MYH9: variants seen among roughly 807,000 people sequenced by gnomAD.
MYH9 encodes the protein myosin heavy chain 9.
Under a neutral mutation model 241.9 loss-of-function variants are expected in MYH9, and 29 were observed. The ratio of observed to expected loss-of-function variants is 0.12; its 90% CI spans 0.09 to 0.16. The LOEUF (loss-of-function observed/expected upper bound fraction) is 0.16, where lower values mean the gene tolerates loss of function less well. Ranked by LOEUF, MYH9 falls within the 10% of genes least tolerant of loss-of-function variation. MYH9 has a pLI of 1.00. For synonymous variants in MYH9, 1,047 were observed against 1,062.6 expected (o/e 0.99, Z 0.29); for missense variants, 1,803 against 2,595.5 (o/e 0.69, Z 6.63).
Position 36,295,062 on chromosome 22 carries a change from T to C in MYH9, c.3500A>G (p.Gln1167Arg). The part of the protein sequence containing the change: ...AQQELRSKRE[Q>R]EVNILKKTLE... ...GGTCTTCTTCAGGATGTTCACCTCC[T>C]GCTCACGTTTTGACCTGGACAGAGA... The change falls in exon 27 of 41, where the codon CAG becomes CGG. Residue 1167 changes from glutamine to arginine, a missense_variant. Physicochemically the swap from Gln to Arg is conservative, Grantham distance 43. This residue lies in a region of MYH9 where 876 missense variants were observed against 1,077.8 expected (regional missense o/e 0.81). Transcript: ENST00000216181. The surrounding 1 kb of genome is among the most constrained non-coding windows in gnomAD (Gnocchi z 4.1). 6.2e-7 allele frequency: 1 copy of C among 1,614,228 alleles called. No homozygotes were observed. Among genetic ancestry groups the C allele is most frequent in the Non-Finnish European group, 8.5e-7 (1 of 1,180,042 alleles).
intron 1 of MYH9, among the ~76,000 whole-genome samples, chr22:36,352,924 C>T (rs770345208): frequency 9.9e-5 from 15 of 152,198 alleles, no homozygotes; most frequent in Non-Finnish European, 2.1e-4. Flanking sequence ...TGAGCAGCGG[C>T]GCCAAGATCA....
chr22:36,381,991 G>T (rs562828132), intron 1 of MYH9, among the ~76,000 whole-genome samples: 1 of 152,226 alleles, frequency 6.6e-6, no homozygotes, highest in South Asian at 2.1e-4. Context: ...TGTTGTTGTT[G>T]TTGTTGTTTA....
At chr22:36,386,319 C>T (rs752691417) in intron 1 of MYH9, among the ~76,000 whole-genome samples, 1 of 151,872 alleles carries the variant, frequency 6.6e-6, no homozygotes. Context: ...AATATTTGCT[C>T]AATTACACAT....
chr22:36,365,659 C>G (rs1412843490), intron 1 of MYH9, among the ~76,000 whole-genome samples: 1 of 152,080 alleles, frequency 6.6e-6, no homozygotes, highest in Non-Finnish European at 1.5e-5. Context: ...CGGAGTTTCA[C>G]CATGTTGACC....
chr22:36,347,775 C>A (rs1169157757), intron 2 of MYH9, among the ~76,000 whole-genome samples: 7 of 141,426 alleles, frequency 4.9e-5, no homozygotes, highest in Non-Finnish European at 7.5e-5. Context: ...CGAGACCAGA[C>A]TGGCCAATTA....
chr22:36,291,866 C>G, intron 31 of MYH9, 120 bp downstream of exon 31: 1 of 1,478,626 alleles, frequency 6.8e-7, no homozygotes, highest in Non-Finnish European at 9.2e-7. Flanking sequence ...GCACTGGCCC[C>G]GCACGGCCCC....
chr22:36,294,321 C>T (rs372349621), intron 27 of MYH9, 23 bp from the exon 28 acceptor site: 52 of 1,610,996 alleles, frequency 3.2e-5, no homozygotes, highest in Admixed American at 1.3e-4. Context: ...AAAGCAAAGA[C>T]GTGAGTGGGG....
In MYH9 at chr22:36,319,058, G is replaced by A. The variant is rs147587586; in HGVS notation, c.1108+482C>T. Reference sequence around the variant, plus strand: ...ATTACAGATGTGAGCCACCACGCCCGGTCAGGAGTGTCTTTTACAATCCAC... The same window carrying A: ...ATTACAGATGTGAGCCACCACGCCCAGTCAGGAGTGTCTTTTACAATCCAC... On this transcript the variant is annotated intron_variant, in intron 10 of 40. Coordinates refer to ENST00000216181, the MANE Select transcript of MYH9 (RefSeq NM_002473.6). 4.5e-4 allele frequency among the ~76,000 whole-genome samples: 69 copies of A among 152,248 alleles called. No individual in the cohort carries two copies. The East Asian group carries it at 9.6e-3, about 21-fold the overall frequency.
rs542087951 is a variant in MYH9, at chr22:36,359,901, T to G, written c.-19-10646A>C. 2.7e-3 allele frequency among the ~76,000 whole-genome samples: 409 copies of G among 152,330 alleles called. 2 individuals are homozygous for G. The highest frequency in any genetic ancestry group is 4.7e-3 in the Non-Finnish European group (320 of 68,024). ...CAAACCCTAAGATAAATGCTTGTAA[T>G]GTACCACAATGGAGTTTATGGCTTT... On this transcript the variant is annotated intron_variant, in intron 1 of 40. Coordinates refer to ENST00000216181, the MANE Select transcript of MYH9 (RefSeq NM_002473.6).
intron 35 of MYH9, among the ~76,000 whole-genome samples, chr22:36,286,478 G>A (rs796069733): frequency 3.9e-5 from 6 of 152,330 alleles, no homozygotes; most frequent in African/African-American, 1.2e-4. Context: ...GGTGGTGGTG[G>A]CCACAAAGCC....
chr22:36,281,882 C>G lies in MYH9; in HGVS notation c.*786G>C, dbSNP rs1279593812. On this transcript the variant is annotated 3_prime_UTR_variant, in exon 41 of 41. Coordinates refer to ENST00000216181, the MANE Select transcript of MYH9 (RefSeq NM_002473.6). ...TTAACCATTAAATATATTTGGTCCC[C>G]AAGAGTGTTGGGAGAAGCCACTGGA... 4 of 231,046 alleles carry G rather than the reference C, an allele frequency of 1.7e-5. No individual in the cohort carries two copies. Among genetic ancestry groups the G allele is most frequent in the Non-Finnish European group, 3.4e-5 (4 of 116,534 alleles). 14.3% of individuals were successfully genotyped at this position (231,046 alleles called of 1,614,324 possible).
intron 21 of MYH9, among the ~76,000 whole-genome samples, chr22:36,301,325 G>A (rs953273001): frequency 9.2e-5 from 14 of 152,172 alleles, no homozygotes; most frequent in African/African-American, 2.4e-4. Flanking sequence ...ACTTGTGAAC[G>A]TTCCACTCTA....
chr22:36,306,661 G>A lies in MYH9; in HGVS notation c.1844-54C>T, dbSNP rs1253435570. Reference sequence around the variant, plus strand: ...GCCCACACAGTTGCAGCTGGGTGGTGGGGGAGCACGTAGGAGAGAGAGACA... The same window carrying A: ...GCCCACACAGTTGCAGCTGGGTGGTAGGGGAGCACGTAGGAGAGAGAGACA... On this transcript the variant is annotated intron_variant, in intron 15 of 40. Transcript: ENST00000216181. The surrounding 1 kb of genome is among the most constrained non-coding windows in gnomAD (Gnocchi z 4.1). 2.6e-6 allele frequency: 4 copies of A among 1,542,226 alleles called. No individual in the cohort carries two copies. The highest frequency in any genetic ancestry group is 3.5e-6 in the Non-Finnish European group (4 of 1,130,846).
intron 3 of MYH9, among the ~76,000 whole-genome samples, chr22:36,340,174 T>C (rs1001944271): frequency 1.5e-4 from 22 of 151,276 alleles, no homozygotes; most frequent in African/African-American, 5.1e-4. Context: ...ATTAGGCTAG[T>C]GCAAAAGTAA....
rs1225583390 is a variant in MYH9, at chr22:36,320,605, G to C, written c.868+193C>G. On this transcript the variant is annotated intron_variant, in intron 8 of 40. Transcript: ENST00000216181. The surrounding 1 kb of genome is among the most constrained non-coding windows in gnomAD (Gnocchi z 4.8). ...GCAGCTACATGTGCAACCCACCCTA[G>C]CTTTTCTCTGGCATGGTCAGAAACA... Among the ~76,000 whole-genome samples the C allele has an allele frequency of 3.3e-5, 5 of 152,202 alleles. No homozygotes were observed. The highest frequency in any genetic ancestry group is 6.5e-5 in the Admixed American group (1 of 15,278).
chr22:36,345,039 G>A (rs1001286276), intron 2 of MYH9, among the ~76,000 whole-genome samples: 6 of 152,338 alleles, frequency 3.9e-5, no homozygotes, highest in East Asian at 3.9e-4. Context: ...GATGCCGGGT[G>A]TGGTGGCTCA....
intron 1 of MYH9, among the ~76,000 whole-genome samples, chr22:36,369,680 C>A (rs1018032621): frequency 6.6e-6 from 1 of 152,234 alleles, no homozygotes; most frequent in Admixed American, 6.5e-5. Flanking sequence ...CCAGCAACCA[C>A]CACTGTGAGG....
At chr22:36,338,126 T>C (rs545125092) in intron 3 of MYH9, among the ~76,000 whole-genome samples, 2 of 151,894 alleles carry the variant, frequency 1.3e-5, no homozygotes, top group South Asian at 4.2e-4. Flanking sequence ...GCCTCCTGAG[T>C]AGTTGGGACT....
At chr22:36,303,347 G>C (rs1038468669) in intron 19 of MYH9, among the ~76,000 whole-genome samples, 4 of 151,866 alleles carry the variant, frequency 2.6e-5, no homozygotes, top group African/African-American at 2.4e-5. Context: ...GGAATCACAG[G>C]GTTCTTTAGG....
Sources: gnomAD v4.1 joint callset for allele counts (sites outside exome capture counted in the v4.1 genomes callset) on GRCh38, gnomAD v4.1.1 for gene constraint, gnomAD v4.1.1 regional missense constraint, Gnocchi (gnomAD v3.1) non-coding constraint, MANE v1.5 for transcripts, NCBI Gene and HGNC (gene_info 2026-07-23, HGNC 2026-07-21) for gene names.